The following EYA4 variants were observed in gnomAD, a reference collection of about 807,000 sequenced individuals.
EYA4 encodes protein phosphatase EYA4.
EYA4 carries 31 observed loss-of-function variants against 87.9 expected under a neutral mutation model. The ratio of observed to expected loss-of-function variants is 0.35; its 90% CI spans 0.27 to 0.48. The LOEUF (loss-of-function observed/expected upper bound fraction) is 0.48, where lower values mean the gene tolerates loss of function less well. EYA4 is among the 20% of genes least tolerant of loss of function. EYA4 has a pLI of 0.99. For synonymous variants in EYA4, 263 were observed against 270.6 expected, an observed-to-expected ratio of 0.97 and a Z score of 0.28; for missense variants, 678 against 761.4, an observed-to-expected ratio of 0.89 and a Z score of 1.29.
intron 2 of EYA4, among the ~76,000 whole-genome samples, chr6:133,333,313 C>T (rs1404053661): frequency 6.6e-6 from 1 of 152,158 alleles, no homozygotes; most frequent in Admixed American, 6.5e-5. Context: ...CTGTCAGACA[C>T]TTGAAGGAGC....
chr6:133,528,625 T>C, intron 19 of EYA4, 100 bp from the exon 20 acceptor site: 2 of 893,198 alleles, frequency 2.2e-6, no homozygotes, highest in Admixed American at 1.7e-5. Flanking sequence ...CACACATCCC[T>C]GTGTGTGCTG....
rs9493626 is a variant in EYA4 at position 133,467,082 on chromosome 6, G to A, written c.805-1484G>A. 8.0e-3 allele frequency among the ~76,000 whole-genome samples: 1,217 copies of A among 152,226 alleles called. 16 individuals carry two copies. Among genetic ancestry groups the A allele is most frequent in the African/African-American group, 0.027 (1,112 of 41,548 alleles). On this transcript the variant is annotated intron_variant, in intron 10 of 19. Coordinates refer to ENST00000355286, the MANE Select transcript of EYA4 (RefSeq NM_004100.5). Reference sequence around the variant, plus strand: ...AGGAAGAAAAGGTAGTTTGGACAAGGGGGCGACAGTGGAAATGAAAAGAAA... The same window carrying A: ...AGGAAGAAAAGGTAGTTTGGACAAGAGGGCGACAGTGGAAATGAAAAGAAA...
intron 2 of EYA4, among the ~76,000 whole-genome samples, chr6:133,318,935 C>T (rs1185373776): frequency 6.6e-6 from 1 of 152,162 alleles, no homozygotes; most frequent in Non-Finnish European, 1.5e-5. Flanking sequence ...TTTTCTAAAG[C>T]TCATATGAAT....
chr6:133,260,457 C>T (rs1325390178), intron 1 of EYA4, among the ~76,000 whole-genome samples: 3 of 152,146 alleles, frequency 2.0e-5, no homozygotes, highest in East Asian at 1.9e-4. Flanking sequence ...AGGCTGGCCT[C>T]AAACTCCTGA....
intron 2 of EYA4, among the ~76,000 whole-genome samples, chr6:133,287,642 A>C (rs1778170556): frequency 9.6e-6 from 1 of 103,688 alleles, no homozygotes; most frequent in South Asian, 4.0e-4. Context: ...GTATAAGATA[A>C]CAGTCCTGTA....
intron 13 of EYA4, among the ~76,000 whole-genome samples, chr6:133,500,183 G>A (rs1797984926): frequency 1.3e-5 from 2 of 151,780 alleles, no homozygotes; most frequent in South Asian, 4.2e-4. Context: ...ACTCACTGCA[G>A]AGCTTTAGCA....
At chr6:133,406,905 T>C (rs1250394755) in intron 3 of EYA4, among the ~76,000 whole-genome samples, 1 of 152,184 alleles carries the variant, frequency 6.6e-6, no homozygotes, top group Non-Finnish European at 1.5e-5. Context: ...AAGTTACTTA[T>C]AGAGAAAGCT....
chr6:133,490,761 A>C (rs1298172089), intron 13 of EYA4, among the ~76,000 whole-genome samples: 3 of 152,188 alleles, frequency 2.0e-5, no homozygotes, highest in Non-Finnish European at 1.5e-5. Flanking sequence ...TAGTCACTGG[A>C]GACTTCAGCA....
intron 1 of EYA4, among the ~76,000 whole-genome samples, chr6:133,266,447 G>T (rs1322100283): frequency 3.9e-5 from 6 of 152,148 alleles, no homozygotes; most frequent in Admixed American, 3.9e-4. Flanking sequence ...CTTTCCTCCA[G>T]AACTGTGAGA....
At chr6:133,362,157 G>A (rs1442176879) in intron 2 of EYA4, among the ~76,000 whole-genome samples, 1 of 151,938 alleles carries the variant, frequency 6.6e-6, no homozygotes, top group Admixed American at 6.5e-5. Context: ...GGTTCTTTTA[G>A]TTGCACCATT....
At chr6:133,304,813 A>ACT (rs59317235) in intron 2 of EYA4, among the ~76,000 whole-genome samples, 107,065 of 151,852 alleles carry the variant, frequency 0.71, 37,883 homozygotes, top group East Asian at 0.81. Flanking sequence ...ATGTTCCAGG[A>ACT]CTCTAGGCCT....
intron 2 of EYA4, among the ~76,000 whole-genome samples, chr6:133,349,229 C>T (rs1050291198): frequency 3.3e-5 from 5 of 152,196 alleles, no homozygotes; most frequent in Non-Finnish European, 7.3e-5. Flanking sequence ...TTTATAATAG[C>T]ATTCATTCCT....
chr6:133,399,218 ATTTCT>A (rs1264225680), intron 3 of EYA4, among the ~76,000 whole-genome samples: 6 of 152,124 alleles, frequency 3.9e-5, no homozygotes, highest in African/African-American at 1.4e-4. Context: ...CATTTTTATA[ATTTCT>A]TCTTTCTGAT....
chr6:133,343,521 C>A (rs9402503), intron 2 of EYA4, among the ~76,000 whole-genome samples: 47,911 of 146,922 alleles, frequency 0.33, 9,146 homozygotes, highest in African/African-American at 0.52. Flanking sequence ...AGATAGCCTC[C>A]CCCTAGCTCA....
At chr6:133,273,838 A>T (rs1198342959) in intron 1 of EYA4, among the ~76,000 whole-genome samples, 1 of 151,960 alleles carries the variant, frequency 6.6e-6, no homozygotes, top group Non-Finnish European at 1.5e-5. Flanking sequence ...ACATCAGCCC[A>T]TTGTGTTTGG....
At chr6:133,287,985 C>T (rs755650647) in intron 2 of EYA4, among the ~76,000 whole-genome samples, 9 of 152,070 alleles carry the variant, frequency 5.9e-5, no homozygotes, top group East Asian at 1.9e-4. Context: ...GAAAATTAGC[C>T]GGGTGTGGGG....
At chr6:133,455,850 G>A (rs947850167) in intron 5 of EYA4, among the ~76,000 whole-genome samples, 5 of 152,056 alleles carry the variant, frequency 3.3e-5, no homozygotes, top group Non-Finnish European at 7.4e-5. Context: ...TGATAATAAT[G>A]TGTACTAGGC....
In EYA4 at chr6:133,500,388, C is replaced by G. The variant is rs190357177; in HGVS notation, c.1192-5718C>G. ...ATAACCCTACTTTTCCATAACGCCTCTCTATCCTTTCCTCATTATTTCTCC... is the reference window on the plus strand; with the variant it reads ...ATAACCCTACTTTTCCATAACGCCTGTCTATCCTTTCCTCATTATTTCTCC... On this transcript the variant is annotated intron_variant, in intron 13 of 19. Coordinates refer to ENST00000355286, the MANE Select transcript of EYA4 (RefSeq NM_004100.5). Among the ~76,000 whole-genome samples the G allele has an allele frequency of 2.9e-3, 446 of 152,170 alleles. 1 individual carries two copies. Among genetic ancestry groups the G allele is most frequent in the Non-Finnish European group, 5.1e-3 (347 of 68,012 alleles).
chr6:133,345,751 A>C (rs1446541889), intron 2 of EYA4, among the ~76,000 whole-genome samples: 1 of 152,202 alleles, frequency 6.6e-6, no homozygotes, highest in Non-Finnish European at 1.5e-5. Context: ...ATTTTTTAGA[A>C]AGGGGTAAAG....
Sources: gnomAD v4.1 joint callset for allele counts (sites outside exome capture counted in the v4.1 genomes callset) on GRCh38, gnomAD v4.1.1 for gene constraint, MANE v1.5 for transcripts, NCBI Gene and HGNC (gene_info 2026-07-23, HGNC 2026-07-21) for gene names.